The following ZNF277 variants were observed in gnomAD, a reference collection of about 807,000 sequenced individuals.
The protein encoded by ZNF277 is zinc finger protein 277.
In ZNF277, 55 loss-of-function variants were observed where a neutral mutation model predicts 60.7. The ratio of observed to expected loss-of-function variants is 0.91; its 90% confidence interval spans 0.73 to 1.13. The LOEUF (loss-of-function observed/expected upper bound fraction) is 1.13, where lower values mean the gene tolerates loss of function less well. Among genes scored for constraint, ZNF277 ranks in the 50% most tolerant of loss-of-function variants. ZNF277 has a pLI of 0.00. For missense variants in ZNF277, 510 were observed against 523.0 expected (o/e 0.98, Z 0.24); for synonymous variants, 178 against 179.3 (o/e 0.99, Z 0.06).
At chr7:112,323,357 T>C (rs533047524) in intron 5 of ZNF277, among the ~76,000 whole-genome samples, 1 of 152,362 alleles carries the variant, frequency 6.6e-6, no homozygotes, top group Non-Finnish European at 1.5e-5. Context: ...TACAAAATTG[T>C]CACTGATTGT....
intron 1 of ZNF277, among the ~76,000 whole-genome samples, chr7:112,246,763 G>A (rs1791095580): frequency 6.6e-6 from 1 of 152,206 alleles, no homozygotes; most frequent in Admixed American, 6.5e-5. Context: ...GGTACCTTCA[G>A]TGTCCATCCA....
At chr7:112,342,482 T>C in intron 11 of ZNF277, 79 bp from the exon 12 acceptor site, 1 of 1,252,098 alleles carries the variant, frequency 8.0e-7, no homozygotes, top group Non-Finnish European at 1.1e-6. Context: ...GACAAAATTA[T>C]AGTAAATGTG....
chr7:112,208,434 A>G (rs1383997066), intron 1 of ZNF277, among the ~76,000 whole-genome samples: 1 of 152,004 alleles, frequency 6.6e-6, no homozygotes, highest in African/African-American at 2.4e-5. Context: ...AAAAATATTT[A>G]TTTTTAAATT....
In ZNF277 at chr7:112,247,262, A is replaced by C. The variant is rs1003715520; in HGVS notation, c.92-39611A>C. Among the ~76,000 whole-genome samples, 4 of 152,260 alleles carry C rather than the reference A, an allele frequency of 2.6e-5. No homozygotes were observed. In the South Asian group the frequency reaches 6.2e-4, roughly 24 times the overall value. On this transcript the variant is annotated intron_variant, in intron 1 of 11. Coordinates refer to ENST00000361822, the MANE Select transcript of ZNF277 (RefSeq NM_021994.3). The stretch of plus-strand genomic sequence containing the variant: ...GGTTGCAGTCTTCAAGTTTGGCCCA[A>C]ATGAGCTCTCTACTTGTATTCATTT...
At chr7:112,302,145 A>T (rs369685188) in intron 4 of ZNF277, among the ~76,000 whole-genome samples, 1 of 152,100 alleles carries the variant, frequency 6.6e-6, no homozygotes, top group East Asian at 1.9e-4. Context: ...TCAGCTTGAG[A>T]TATCATTCAT....
At chr7:112,266,611 A>G (rs994118762) in intron 1 of ZNF277, among the ~76,000 whole-genome samples, 2 of 152,148 alleles carry the variant, frequency 1.3e-5, no homozygotes, top group African/African-American at 4.8e-5. Context: ...TTCAGATAAG[A>G]TACTGAAAGA....
chr7:112,281,019 TC>T (rs1460299602), intron 1 of ZNF277, among the ~76,000 whole-genome samples: 31 of 152,218 alleles, frequency 2.0e-4, no homozygotes, highest in Non-Finnish European at 4.4e-5. Context: ...CTGAATTATG[TC>T]TGCTCTCCAG....
chr7:112,327,235 T>G (rs10254160), intron 5 of ZNF277, among the ~76,000 whole-genome samples: 9,917 of 152,200 alleles, frequency 0.065, 885 homozygotes, highest in African/African-American at 0.2. Flanking sequence ...ATGAAACTGT[T>G]TTATCTCAGA....
chr7:112,245,899 A>G (rs1791071624), intron 1 of ZNF277, among the ~76,000 whole-genome samples: 1 of 152,196 alleles, frequency 6.6e-6, no homozygotes, highest in South Asian at 2.1e-4. Flanking sequence ...TTCAGCACAT[A>G]TCACTGGATA....
intron 5 of ZNF277, among the ~76,000 whole-genome samples, chr7:112,322,930 T>C (rs1793016764): frequency 6.6e-6 from 1 of 152,154 alleles, no homozygotes; most frequent in Admixed American, 6.5e-5. Context: ...TTCTCCAAAG[T>C]GTGTATTACT....
intron 1 of ZNF277, among the ~76,000 whole-genome samples, chr7:112,210,265 G>C (rs1413077934): frequency 6.6e-6 from 1 of 152,086 alleles, no homozygotes; most frequent in Non-Finnish European, 1.5e-5. Flanking sequence ...CCCTGGGACA[G>C]TGAGGCCTAG....
At chr7:112,214,793 T>C (rs1587079924) in intron 1 of ZNF277, among the ~76,000 whole-genome samples, 1 of 152,160 alleles carries the variant, frequency 6.6e-6, no homozygotes. Flanking sequence ...TCTCCATGAG[T>C]AGCATATTTA....
intron 1 of ZNF277, among the ~76,000 whole-genome samples, chr7:112,213,394 T>A (rs1208169808): frequency 1.3e-5 from 2 of 152,218 alleles, no homozygotes; most frequent in African/African-American, 4.8e-5. Flanking sequence ...AGGCCTTATT[T>A]AAAGCATTCT....
intron 6 of ZNF277, among the ~76,000 whole-genome samples, chr7:112,328,911 C>CATTATTTATTAATTATA (rs1793162662): frequency 6.6e-6 from 1 of 152,026 alleles, no homozygotes. Context: ...GCAAGTAATA[C>CATTATTTATTAATTATA]AGATTAATTA....
At chr7:112,312,761 T>G (rs1187936024) in intron 4 of ZNF277, among the ~76,000 whole-genome samples, 4 of 152,092 alleles carry the variant, frequency 2.6e-5, no homozygotes, top group Non-Finnish European at 5.9e-5. Context: ...TAGCAAAGTT[T>G]AGGGATAGCT....
intron 1 of ZNF277, among the ~76,000 whole-genome samples, chr7:112,220,019 C>A (rs1354073009): frequency 1.3e-5 from 2 of 152,146 alleles, no homozygotes; most frequent in African/African-American, 4.8e-5. Flanking sequence ...TTTTGCTCAA[C>A]ATTGCTTTGG....
chr7:112,222,788 G>A (rs1023505219), intron 1 of ZNF277, among the ~76,000 whole-genome samples: 3 of 152,188 alleles, frequency 2.0e-5, no homozygotes, highest in African/African-American at 4.8e-5. Context: ...GATCCTGAGC[G>A]TGTCTGTGAG....
At chr7:112,279,046 C>T (rs1791883530) in intron 1 of ZNF277, among the ~76,000 whole-genome samples, 1 of 152,234 alleles carries the variant, frequency 6.6e-6, no homozygotes, top group East Asian at 1.9e-4. Flanking sequence ...AAGGTTCATT[C>T]CTTTTAAAAA....
chr7:112,297,855 A>G (rs1189378300), intron 4 of ZNF277, among the ~76,000 whole-genome samples: 1 of 152,180 alleles, frequency 6.6e-6, no homozygotes, highest in Non-Finnish European at 1.5e-5. Context: ...TAAGAACTCA[A>G]ACCCTACTAC....
Sources: gnomAD v4.1 joint callset for allele counts (sites outside exome capture counted in the v4.1 genomes callset) on GRCh38, gnomAD v4.1.1 for gene constraint, MANE v1.5 for transcripts, NCBI Gene and HGNC (gene_info 2026-07-23, HGNC 2026-07-21) for gene names.